Variants in RPL8 observed in about 807,000 individuals in gnomAD.
RPL8 encodes the protein ribosomal protein L8, also known as large ribosomal subunit protein uL2.
For synonymous variants in RPL8, 182 were observed against 143.2 expected (o/e 1.27, Z -1.94); for missense variants, 248 against 365.9 (o/e 0.68, Z 2.63).
Position 144,789,891 on chromosome 8 carries a change from G to A in RPL8, c.687C>T (p.Ala229=), listed in dbSNP as rs1373691470. The A allele has an allele frequency of 1.9e-6, 3 of 1,613,430 alleles. No homozygotes were observed. The highest frequency in any genetic ancestry group is 2.5e-6 in the Non-Finnish European group (3 of 1,179,858). ...IGKPSTIRRD[A]PAGRKVGLIA... is the part of the protein sequence containing the mutation. ...TGAGACCCACTTTGCGGCCAGCAGG[G>A]GCATCTCTGCGGATGGTGGAGGGCT... Residue 229 remains alanine, a synonymous_variant, in exon 5 of 5, where the codon GCC becomes GCT. Coordinates refer to ENST00000528957, the MANE Select transcript of RPL8 (RefSeq NM_001317782.2).
chr8:144,792,178 G>A lies in RPL8; in HGVS notation c.-49C>T, dbSNP rs772996174. On this transcript the variant is annotated 5_prime_UTR_variant, in exon 1 of 5. Transcript: ENST00000528957. ...CACGATTAGCGCGGCCGGGCGGCCC[G>A]GGTACCCCCGCCAGCCCGGCTTTCC... 8 of 1,440,454 alleles carry A rather than the reference G, an allele frequency of 5.6e-6. No homozygotes were observed. Among genetic ancestry groups the A allele is most frequent in the Non-Finnish European group, 7.2e-6 (8 of 1,105,748 alleles). 89.2% of individuals were successfully genotyped at this position (1,440,454 alleles called of 1,614,324 possible).
rs189928670 is a variant in RPL8 at position 144,791,553 on chromosome 8, C to T, written c.281-58G>A. Reference sequence around the variant, plus strand: ...CAGTAAGAAACAATGCGAACCCCCTCGCTCTAGGCAACCCGCGAAGTTGCG... The same window carrying T: ...CAGTAAGAAACAATGCGAACCCCCTTGCTCTAGGCAACCCGCGAAGTTGCG... On this transcript the variant is annotated intron_variant, in intron 2 of 4. Coordinates refer to ENST00000528957, the MANE Select transcript of RPL8 (RefSeq NM_001317782.2). 88 of 1,566,206 alleles carry T rather than the reference C, an allele frequency of 5.6e-5. 1 individual carries two copies. The East Asian group carries it at 2.0e-3, about 35-fold the overall frequency.
intron 3 of RPL8, 113 bp from the exon 4 acceptor site, chr8:144,790,583 G>A (rs914323705): frequency 2.5e-6 from 2 of 813,776 alleles, no homozygotes; most frequent in South Asian, 2.8e-5. Flanking sequence ...CCAGCAAAAA[G>A]CCCACTCGCC....
intron 4 of RPL8, 147 bp from the exon 5 acceptor site, chr8:144,790,109 C>T (rs1435440524): frequency 2.9e-6 from 3 of 1,050,316 alleles, no homozygotes; most frequent in South Asian, 1.7e-5. Flanking sequence ...CTGACTCTTT[C>T]CAGCTCAGGC....
chr8:144,790,615 C>A, intron 3 of RPL8, 145 bp from the exon 4 acceptor site: 1 of 702,444 alleles, frequency 1.4e-6, no homozygotes, highest in South Asian at 1.5e-5. Flanking sequence ...GAGCCCCTTG[C>A]ACCCTGTGAG....
At chr8:144,790,993 T>G (rs1390741214) in intron 3 of RPL8, 1 of 509,060 alleles carries the variant, frequency 2.0e-6, no homozygotes, top group Non-Finnish European at 3.6e-6. Flanking sequence ...GTTAACCAAC[T>G]GCATGCAAGT....
At chr8:144,791,067 A>G (rs1826493747) in intron 3 of RPL8, 1 of 592,612 alleles carries the variant, frequency 1.7e-6, no homozygotes, top group South Asian at 2.0e-5. Flanking sequence ...ATCTCATTTA[A>G]CGCCTCAACA....
At chr8:144,790,219 G>A (rs1044272331) in intron 4 of RPL8, 136 bp downstream of exon 4, 4 of 796,080 alleles carry the variant, frequency 5.0e-6, no homozygotes, top group African/African-American at 1.7e-5. Flanking sequence ...ACAGTCCCGT[G>A]ACTACAAACC....
chr8:144,790,575 A>G, intron 3 of RPL8, 105 bp from the exon 4 acceptor site: 4 of 895,130 alleles, frequency 4.5e-6, no homozygotes, highest in Non-Finnish European at 7.4e-6. Context: ...CCAACTACCC[A>G]GCAAAAAGCC....
intron 2 of RPL8, 120 bp downstream of exon 2, chr8:144,791,653 G>C (rs1826523114): frequency 1.5e-5 from 23 of 1,535,652 alleles, no homozygotes; most frequent in South Asian, 2.4e-5. Context: ...CTGGCCACGC[G>C]GATGTCCCCA....
intron 4 of RPL8, 57 bp from the exon 5 acceptor site, chr8:144,790,019 C>T (rs1343713476): frequency 6.6e-7 from 1 of 1,523,834 alleles, no homozygotes; most frequent in Non-Finnish European, 8.8e-7. Context: ...CCGCCCCCGG[C>T]CTCGGGGTCC....
In RPL8 at chr8:144,791,480, C is replaced by G; in HGVS notation, c.296G>C (p.Gly99Ala). The G allele has an allele frequency of 3.7e-6, 6 of 1,613,712 alleles. No individual in the cohort carries two copies. Among genetic ancestry groups the G allele is most frequent in the Non-Finnish European group, 5.1e-6 (6 of 1,179,998 alleles). ...YCGKKAQLNIGNVLPVGTMPE... is the reference protein window; with the variant it reads ...YCGKKAQLNIANVLPVGTMPE... ...CATGGTGCCCACAGGGAGCACATTG[C>G]CAATGTTGAGCTGGGCTGCAAGGGG... Residue 99 changes from glycine to alanine, a missense_variant, in exon 3 of 5, where the codon GGC becomes GCC. Coordinates refer to ENST00000528957, the MANE Select transcript of RPL8 (RefSeq NM_001317782.2).
rs1826496341 is a variant in RPL8 at position 144,791,132 on chromosome 8, A to G, written c.499+145T>C. On this transcript the variant is annotated intron_variant, in intron 3 of 4. Coordinates refer to ENST00000528957, the MANE Select transcript of RPL8 (RefSeq NM_001317782.2). The stretch of plus-strand genomic sequence containing the variant: ...GTACAGTGATGACAACTGAGACTAC[A>G]GGATGAGCTCAAACTTACAGAACCC... 4 of 714,880 alleles carry G rather than the reference A, an allele frequency of 5.6e-6. No homozygotes were observed. The Admixed American group carries it at 7.0e-5, about 13-fold the overall frequency. 44.3% of individuals were successfully genotyped at this position (714,880 alleles called of 1,614,324 possible). A position where few individuals can be genotyped will look rare whatever the true frequency, so the allele number is the denominator to read the frequency against.
In RPL8 at chr8:144,790,424, A is replaced by C. The variant is rs754924690; in HGVS notation, c.546T>G (p.Ala182=). The C allele has an allele frequency of 6.2e-7, 1 of 1,614,104 alleles. No individual in the cohort carries two copies. Among genetic ancestry groups the C allele is most frequent in the Non-Finnish European group, 8.5e-7 (1 of 1,180,016 alleles). The change falls in exon 4 of 5, where the codon GCT becomes GCG. Residue 182 remains alanine (A), a synonymous_variant. Coordinates refer to ENST00000528957, the MANE Select transcript of RPL8 (RefSeq NM_001317782.2). ...CCTTATATTTGTGGTACGCCCGGCC[A>C]GCCTTCAAGATGGGTTTGTCAATTC... ...GGRIDKPILK[A]GRAYHKYKAK...
At position 144,791,879 on chromosome 8, in the gene RPL8, G is replaced by A; in HGVS notation, c.174C>T (p.Leu58=). The change falls in exon 2 of 5, where the codon CTC becomes CTT. Residue 58 remains leucine (L), a synonymous_variant. Transcript: ENST00000528957. ...IIHDPGRGAP[L]AKVVFRDPYR... is the part of the protein sequence containing the mutation. ...ACGGATCCCGGAAGACCACCTTGGC[G>A]AGGGGCGCGCCGCGGCCCGGGTCGT... 6.2e-7 allele frequency: 1 copy of A among 1,613,626 alleles called. No homozygotes were observed. Among genetic ancestry groups the A allele is most frequent in the Non-Finnish European group, 8.5e-7 (1 of 1,180,034 alleles).
Position 144,791,836 on chromosome 8 carries a change from T to A in RPL8, c.217A>T (p.Thr73Ser). ...CCCTCGGCGGCAATGAACAGCTCCGTCCGCTTCTTAAACCGATACGGATCC... is the reference window on the plus strand; with the variant it reads ...CCCTCGGCGGCAATGAACAGCTCCGACCGCTTCTTAAACCGATACGGATCC... ...FRDPYRFKKR[T>S]ELFIAAEGIH... The change falls in exon 2 of 5, where the codon ACG (threonine) becomes TCG (serine). Residue 73 changes from threonine to serine, a missense_variant. Physicochemically the swap from Thr to Ser is moderately conservative, Grantham distance 58 (BLOSUM62 1). Transcript: ENST00000528957. 6.2e-7 allele frequency: 1 copy of A among 1,613,786 alleles called. No homozygotes were observed.
At chr8:144,790,282 G>C in intron 4 of RPL8, 73 bp downstream of exon 4, 1 of 1,271,584 alleles carries the variant, frequency 7.9e-7, no homozygotes, top group Non-Finnish European at 1.1e-6. Context: ...GACACCTGTG[G>C]ATGGGACTTG....
chr8:144,791,510 A>T lies in RPL8; in HGVS notation c.281-15T>A. Reference sequence around the variant, plus strand: ...GTTGAGCTGGGCTGCAAGGGGAAGCAGCATCAGGCCGTCAGCACAGTAAGA... The same window carrying T: ...GTTGAGCTGGGCTGCAAGGGGAAGCTGCATCAGGCCGTCAGCACAGTAAGA... On this transcript the variant is annotated splice_polypyrimidine_tract_variant and intron_variant, in intron 2 of 4. Transcript: ENST00000528957. 1 of 1,612,332 alleles carries T rather than the reference A, an allele frequency of 6.2e-7. No homozygotes were observed.
In RPL8 at chr8:144,790,039, G is replaced by C. The variant is rs1057274104; in HGVS notation, c.616-77C>G. ...CCCGGCCTCGGGGTCCCACCCGTCA[G>C]GGGCCCAATTCCGCGAAGCCCCTCT... On this transcript the variant is annotated intron_variant, in intron 4 of 4. Coordinates refer to ENST00000528957, the MANE Select transcript of RPL8 (RefSeq NM_001317782.2). 3 of 1,482,446 alleles carry C rather than the reference G, an allele frequency of 2.0e-6. No homozygotes were observed. The African/African-American group carries it at 4.2e-5, about 21-fold the overall frequency. The allele number at this position is 1,482,446 out of a possible 1,614,324, so 91.8% of individuals were successfully genotyped here. A position where few individuals can be genotyped will look rare whatever the true frequency, so the allele number is the denominator to read the frequency against.
Sources: gnomAD v4.1 joint callset for allele counts on GRCh38, gnomAD v4.1.1 for gene constraint, MANE v1.5 for transcripts, NCBI Gene and HGNC (gene_info 2026-07-23, HGNC 2026-07-21) for gene names.